Variants in ANKRD35 observed in about 807,000 individuals in gnomAD.
ANKRD35 encodes the protein ankyrin repeat domain 35.
Under a neutral mutation model 109.9 loss-of-function variants are expected in ANKRD35, and 102 were observed. The observed-to-expected ratio is 0.93, with a 90% CI of 0.79 to 1.09. The LOEUF is 1.09. Among genes scored for constraint, ANKRD35 ranks in the 50% least tolerant of loss-of-function variants. ANKRD35 has a pLI of 0.00. For missense variants in ANKRD35, 1,240 were observed against 1,230.1 expected (o/e 1.01, Z -0.12); for synonymous variants, 515 against 512.4 (o/e 1.01, Z -0.07).
Position 145,879,240 on chromosome 1 carries a change from G to T in ANKRD35, c.170+18C>A. On this transcript the variant is annotated intron_variant, in intron 2 of 13. Transcript: ENST00000355594. Reference sequence around the variant, plus strand: ...AGGGAGCCACATGTAAGGGGCAGGGGCAGGAGGACTGACTTACGGGGACTG... The same window carrying T: ...AGGGAGCCACATGTAAGGGGCAGGGTCAGGAGGACTGACTTACGGGGACTG... The T allele has an allele frequency of 6.3e-7, 1 of 1,581,984 alleles. No homozygotes were observed. Among genetic ancestry groups the T allele is most frequent in the Non-Finnish European group, 8.6e-7 (1 of 1,163,070 alleles).
intron 6 of ANKRD35, 53 bp from the exon 7 acceptor site, chr1:145,876,299 G>C: frequency 6.5e-7 from 1 of 1,541,096 alleles, no homozygotes; most frequent in East Asian, 2.3e-5. Context: ...GCAGAGGCTT[G>C]ACAATCCTAC....
In ANKRD35 at chr1:145,879,326, T is replaced by A; in HGVS notation, c.102A>T (p.Gly34=). Residue 34 remains glycine (G), a synonymous_variant, in exon 2 of 14, where the codon GGA becomes GGT. Transcript: ENST00000355594. ...TCCTGGAGGCCAGGGCAGCCACGCGTCCCACATCCCCCCTGTGCACTGCCT... is the reference window on the plus strand; with the variant it reads ...TCCTGGAGGCCAGGGCAGCCACGCGACCCACATCCCCCCTGTGCACTGCCT... ...LLEAVHRGDV[G]RVAALASRKS... is the part of the protein sequence containing the mutation. 1 of 1,611,214 alleles carries A rather than the reference T, an allele frequency of 6.2e-7. No homozygotes were observed. Among genetic ancestry groups the A allele is most frequent in the Admixed American group, 1.7e-5 (1 of 59,668 alleles).
In ANKRD35 at chr1:145,885,853, A is replaced by C; in HGVS notation, c.-95T>G. The C allele has an allele frequency of 1.0e-6, 1 of 971,744 alleles. No homozygotes were observed. Among genetic ancestry groups the C allele is most frequent in the East Asian group, 2.5e-5 (1 of 40,724 alleles). The allele number at this position is 971,744 out of a possible 1,614,324, so 60.2% of individuals were successfully genotyped here. A position where few individuals can be genotyped will look rare whatever the true frequency, so the allele number is the denominator to read the frequency against. On this transcript the variant is annotated 5_prime_UTR_variant, in exon 1 of 14. Transcript: ENST00000355594. ...ACTTGGCTGCGGCTGTGCAAGAGAC[A>C]GCTGTCAAAAAGCAGAGCGGGCCCC...
rs782294282 is a variant in ANKRD35, at chr1:145,879,259, G to A, written c.169C>T (p.Pro57Ser). The change falls in exon 2 of 14, where the codon CCG becomes TCG. Residue 57 changes from proline (P) to serine (S), a missense_variant and splice_region_variant. Physicochemically the swap from Pro to Ser is moderately conservative, Grantham distance 74. Coordinates refer to ENST00000355594, the MANE Select transcript of ANKRD35 (RefSeq NM_144698.5). ...GCAGGGGCAGGAGGACTGACTTACG[G>A]GGACTGGCCATTCGAGTCAAGCTTG... ...PTKLDSNGQS[P>S]FHLAASKGLT... 85 of 1,604,368 alleles carry A rather than the reference G, an allele frequency of 5.3e-5. No individual in the cohort carries two copies. Among genetic ancestry groups the A allele is most frequent in the Non-Finnish European group, 6.8e-5 (80 of 1,175,696 alleles).
Position 145,873,085 on chromosome 1 carries a change from G to A in ANKRD35, c.1684C>T (p.Pro562Ser). 2 of 1,612,792 alleles carry A rather than the reference G, an allele frequency of 1.2e-6. No individual in the cohort carries two copies. Among genetic ancestry groups the A allele is most frequent in the Non-Finnish European group, 8.5e-7 (1 of 1,179,396 alleles). Residue 562 changes from proline (P) to serine (S), a missense_variant, in exon 10 of 14, where the codon CCT becomes TCT. Transcript: ENST00000355594. ...KAGLQVKPEV[P>S]SQESREGALK... ...GCTCCCTCTCTGGACTCCTGGGAAG[G>A]AACCTCAGGTTTCACCTGTAGTCCT...
At chr1:145,878,501 G>A (rs1553740559) in intron 2 of ANKRD35, 22 bp from the exon 3 acceptor site, 2 of 1,555,452 alleles carry the variant, frequency 1.3e-6, no homozygotes, top group Non-Finnish European at 1.7e-6. Context: ...AAGGCCGAGA[G>A]GCCAAAGGAT....
intron 1 of ANKRD35, among the ~76,000 whole-genome samples, chr1:145,881,118 T>G (rs1654269705): frequency 6.6e-6 from 1 of 152,148 alleles, no homozygotes; most frequent in Non-Finnish European, 1.5e-5. Context: ...AAACCCCGTC[T>G]CTACTAAAAA....
Position 145,872,829 on chromosome 1 carries a change from G to A in ANKRD35, c.1940C>T (p.Ser647Phe). The A allele has an allele frequency of 6.2e-7, 1 of 1,614,092 alleles. No individual in the cohort carries two copies. The highest frequency in any genetic ancestry group is 8.5e-7 in the Non-Finnish European group (1 of 1,180,022). ...ERQRLQRELQ[S>F]LSQRLQREFV... ...CTCCCGCTGCAGCCGCTGGCTCAGGGACTGTAGCTCCCTCTGCAACCTCTG... is the reference window on the plus strand; with the variant it reads ...CTCCCGCTGCAGCCGCTGGCTCAGGAACTGTAGCTCCCTCTGCAACCTCTG... The change falls in exon 10 of 14, where the codon TCC becomes TTC. Residue 647 changes from serine to phenylalanine, a missense_variant. Coordinates refer to ENST00000355594, the MANE Select transcript of ANKRD35 (RefSeq NM_144698.5).
At chr1:145,883,599 A>C (rs73006867) in intron 1 of ANKRD35, among the ~76,000 whole-genome samples, 1,756 of 152,330 alleles carry the variant, frequency 0.012, 25 homozygotes, top group African/African-American at 0.034. Flanking sequence ...GTCCTTACTC[A>C]GACTGACAGT....
Position 145,874,206 on chromosome 1 carries a change from T to C in ANKRD35, c.746-14A>G. Reference sequence around the variant, plus strand: ...CTAGCCTCTGACCTATAAGAAAAGATATGAGGAAAATGAGAGAGAAGACAG... The same window carrying C: ...CTAGCCTCTGACCTATAAGAAAAGACATGAGGAAAATGAGAGAGAAGACAG... On this transcript the variant is annotated splice_polypyrimidine_tract_variant and intron_variant, in intron 8 of 13. Transcript: ENST00000355594. 6.2e-7 allele frequency: 1 copy of C among 1,613,676 alleles called. No individual in the cohort carries two copies. Among genetic ancestry groups the C allele is most frequent in the Non-Finnish European group, 8.5e-7 (1 of 1,179,660 alleles).
chr1:145,884,058 C>T (rs1408890336), intron 1 of ANKRD35, among the ~76,000 whole-genome samples: 1 of 152,138 alleles, frequency 6.6e-6, no homozygotes, highest in African/African-American at 2.4e-5. Flanking sequence ...CCACTCATTC[C>T]AGCACCTTGG....
At chr1:145,875,060 C>T in intron 7 of ANKRD35, 54 bp from the exon 8 acceptor site, 17 of 1,515,076 alleles carry the variant, frequency 1.1e-5, no homozygotes, top group Non-Finnish European at 1.5e-5. Flanking sequence ...CCCAGAAGTC[C>T]TGGTTCCAGA....
At chr1:145,877,121 C>T (rs1654110731) in intron 4 of ANKRD35, among the ~76,000 whole-genome samples, 1 of 152,174 alleles carries the variant, frequency 6.6e-6, no homozygotes, top group Admixed American at 6.5e-5. Flanking sequence ...GGGAAAATGA[C>T]ACCCAATGTC....
At chr1:145,871,163 T>TTC (rs1653804784) in intron 10 of ANKRD35, among the ~76,000 whole-genome samples, 1 of 117,468 alleles carries the variant, frequency 8.5e-6, no homozygotes, top group Non-Finnish European at 1.8e-5. Flanking sequence ...CTTTTTTTTT[T>TTC]TTTTTTTTTT....
rs200850912 is a variant in ANKRD35 at position 145,872,062 on chromosome 1, C to T, written c.2707G>A (p.Glu903Lys). 1.2e-5 allele frequency: 20 copies of T among 1,613,634 alleles called. No individual in the cohort carries two copies. Among genetic ancestry groups the T allele is most frequent in the Admixed American group, 8.3e-5 (5 of 60,032 alleles). ...RQASEMRGRS[E>K]QFEKTAELLK... The stretch of plus-strand genomic sequence containing the variant: ...AGCTCTGCCGTTTTCTCAAACTGCT[C>T]GGAGCGCCCCCGCATCTCGCTGGCC... The change falls in exon 10 of 14, where the codon GAG becomes AAG. Residue 903 changes from glutamate to lysine, a missense_variant. Coordinates refer to ENST00000355594, the MANE Select transcript of ANKRD35 (RefSeq NM_144698.5).
Position 145,872,120 on chromosome 1 carries a change from G to T in ANKRD35, c.2649C>A (p.Asp883Glu), listed in dbSNP as rs782396862. The T allele has an allele frequency of 6.2e-7, 1 of 1,611,004 alleles. No homozygotes were observed. The highest frequency in any genetic ancestry group is 8.5e-7 in the Non-Finnish European group (1 of 1,178,798). ...CTTGTTCGGCTGCCTGAGCGGCCAG[G>T]TCCCCGCTCCGGCGGCGCTCCTCGG... ...AVAEERRRSG[D>E]LAAQAAEQER... The change falls in exon 10 of 14, where the codon GAC (aspartate) becomes GAA (glutamate). Residue 883 changes from aspartate (D) to glutamate (E), a missense_variant. By Grantham distance (45) the Asp-to-Glu change is conservative. Transcript: ENST00000355594.
intron 1 of ANKRD35, among the ~76,000 whole-genome samples, chr1:145,882,595 G>T (rs1420186162): frequency 6.6e-6 from 1 of 151,882 alleles, no homozygotes; most frequent in Non-Finnish European, 1.5e-5. Flanking sequence ...CGCCTGGCCT[G>T]GGTACTTTTC....
intron 1 of ANKRD35, among the ~76,000 whole-genome samples, chr1:145,881,827 G>A (rs1213452404): frequency 3.3e-5 from 5 of 152,026 alleles, no homozygotes; most frequent in Admixed American, 2.0e-4. Context: ...ATGTTCCTGG[G>A]CTCAGAATTC....
chr1:145,869,854 A>T (rs587718231), intron 10 of ANKRD35, among the ~76,000 whole-genome samples: 13 of 152,304 alleles, frequency 8.5e-5, no homozygotes, highest in African/African-American at 3.1e-4. Flanking sequence ...TAAGTGATGA[A>T]ATCATGATTT....
Sources: gnomAD v4.1 joint callset for allele counts (sites outside exome capture counted in the v4.1 genomes callset) on GRCh38, gnomAD v4.1.1 for gene constraint, MANE v1.5 for transcripts, NCBI Gene and HGNC (gene_info 2026-07-23, HGNC 2026-07-21) for gene names.